The following APBB2 variants were observed in gnomAD, a reference collection of about 807,000 sequenced individuals.
APBB2 encodes amyloid beta precursor protein binding family B member 2.
Under a neutral mutation model 82.5 loss-of-function variants are expected in APBB2, and 38 were observed. The ratio of observed to expected loss-of-function variants is 0.46; its 90% CI spans 0.36 to 0.60. The LOEUF (loss-of-function observed/expected upper bound fraction) is 0.60, where lower values mean the gene tolerates loss of function less well. APBB2 is among the 20% of genes least tolerant of loss of function. The probability of loss-of-function intolerance (pLI) is 0.00; values close to 1 mark genes in which losing one functional copy is unlikely to be tolerated. For missense variants in APBB2, 772 were observed against 972.3 expected, an observed-to-expected ratio of 0.79 and a Z score of 2.74; for synonymous variants, 341 against 368.2, an observed-to-expected ratio of 0.93 and a Z score of 0.85.
chr4:40,965,275 T>C (rs1794407987), intron 6 of APBB2, among the ~76,000 whole-genome samples: 1 of 152,238 alleles, frequency 6.6e-6, no homozygotes, highest in Admixed American at 6.5e-5. Flanking sequence ...AATTATGACA[T>C]ATAATTAACT....
intron 2 of APBB2, among the ~76,000 whole-genome samples, chr4:41,121,260 G>T (rs1057100690): frequency 9.2e-5 from 14 of 152,210 alleles, no homozygotes; most frequent in Non-Finnish European, 2.1e-4. Flanking sequence ...TCTAGCATCA[G>T]TAACATACGT....
chr4:40,901,753 G>A (rs1190942456), intron 10 of APBB2, among the ~76,000 whole-genome samples: 5 of 152,020 alleles, frequency 3.3e-5, no homozygotes, highest in Non-Finnish European at 2.9e-5. Flanking sequence ...CAAGTGATCC[G>A]CTTACCCCAG....
chr4:41,124,450 C>T (rs1339880074), intron 2 of APBB2, among the ~76,000 whole-genome samples: 1 of 152,070 alleles, frequency 6.6e-6, no homozygotes, highest in South Asian at 2.1e-4. Context: ...CGTCGTGATC[C>T]GCCCGCCTCC....
At chr4:41,118,418 C>T (rs1391168046) in intron 2 of APBB2, among the ~76,000 whole-genome samples, 1 of 152,122 alleles carries the variant, frequency 6.6e-6, no homozygotes, top group African/African-American at 2.4e-5. Context: ...GATGATGATA[C>T]CTTTACCACC....
At chr4:41,017,463 T>TG in intron 5 of APBB2, among the ~76,000 whole-genome samples, 1 of 152,158 alleles carries the variant, frequency 6.6e-6, no homozygotes, top group South Asian at 2.1e-4. Context: ...GGAGAGGAAA[T>TG]GCTGTAAGGG....
chr4:40,867,431 CA>C (rs1215402597), intron 12 of APBB2, among the ~76,000 whole-genome samples: 2 of 152,172 alleles, frequency 1.3e-5, no homozygotes, highest in Non-Finnish European at 2.9e-5. Context: ...TTATTATTAT[CA>C]ACCCCCTTTT....
At chr4:41,054,969 C>T (rs570997651) in intron 4 of APBB2, among the ~76,000 whole-genome samples, 2 of 152,240 alleles carry the variant, frequency 1.3e-5, no homozygotes, top group African/African-American at 4.8e-5. Context: ...TCAGTGGCTC[C>T]CCACTACTCT....
intron 4 of APBB2, among the ~76,000 whole-genome samples, chr4:41,040,944 A>G (rs1023688259): frequency 9.2e-5 from 14 of 152,136 alleles, no homozygotes; most frequent in Non-Finnish European, 1.9e-4. Flanking sequence ...GCAGTGTCGC[A>G]ATCTCGGCTC....
At chr4:40,959,899 T>C (rs1235512516) in intron 6 of APBB2, among the ~76,000 whole-genome samples, 1 of 152,234 alleles carries the variant, frequency 6.6e-6, no homozygotes, top group African/African-American at 2.4e-5. Flanking sequence ...GCAGATATTA[T>C]TCCCATTTTA....
chr4:40,951,626 G>A (rs1375376255), intron 6 of APBB2, among the ~76,000 whole-genome samples: 1 of 152,124 alleles, frequency 6.6e-6, no homozygotes, highest in Non-Finnish European at 1.5e-5. Flanking sequence ...AACCTCTTTG[G>A]GCTTCAGATG....
At chr4:40,881,481 G>C in intron 12 of APBB2, 20 of 467,150 alleles carry the variant, frequency 4.3e-5, no homozygotes, top group Non-Finnish European at 5.3e-5. Flanking sequence ...AAAAACAAAA[G>C]AGACCCATTA....
chr4:40,818,921 C>T (rs1280723606), intron 17 of APBB2, among the ~76,000 whole-genome samples: 1 of 152,148 alleles, frequency 6.6e-6, no homozygotes, highest in Non-Finnish European at 1.5e-5. Flanking sequence ...TTCTATGTTG[C>T]CCAGGCTGGA....
intron 2 of APBB2, among the ~76,000 whole-genome samples, chr4:41,120,582 T>C (rs1374110223): frequency 6.6e-6 from 1 of 152,194 alleles, no homozygotes; most frequent in African/African-American, 2.4e-5. Flanking sequence ...AAAAGGGAGT[T>C]TTCTTTTCCC....
intron 1 of APBB2, among the ~76,000 whole-genome samples, chr4:41,175,556 G>A (rs1769528147): frequency 6.6e-6 from 1 of 152,038 alleles, no homozygotes; most frequent in Admixed American, 6.6e-5. Context: ...CACCAATCAA[G>A]CTGTATCATT....
chr4:41,000,182 G>A (rs917073019), intron 6 of APBB2, among the ~76,000 whole-genome samples: 3 of 151,528 alleles, frequency 2.0e-5, no homozygotes, highest in African/African-American at 7.3e-5. Flanking sequence ...GATCACCTGA[G>A]TCCAGGGAGG....
At chr4:40,830,616 G>A (rs759688840) in intron 12 of APBB2, 39 bp from the exon 13 acceptor site, 2 of 1,237,958 alleles carry the variant, frequency 1.6e-6, no homozygotes, top group Non-Finnish European at 2.4e-6. Flanking sequence ...AGTAAGAGAA[G>A]CTGATTACCA....
At chr4:41,117,044 T>C (rs1580174149) in intron 2 of APBB2, among the ~76,000 whole-genome samples, 1 of 152,026 alleles carries the variant, frequency 6.6e-6, no homozygotes, top group Non-Finnish European at 1.5e-5. Context: ...CCATCACAAA[T>C]GTTGCCCTCT....
chr4:41,138,990 AAG>A (rs1379548493), intron 2 of APBB2, among the ~76,000 whole-genome samples: 4 of 152,164 alleles, frequency 2.6e-5, no homozygotes, highest in Admixed American at 2.6e-4. Flanking sequence ...AGGCATCAAA[AAG>A]AGAAAAATAC....
intron 10 of APBB2, among the ~76,000 whole-genome samples, chr4:40,895,877 A>G (rs928174273): frequency 2.6e-5 from 4 of 152,208 alleles, no homozygotes; most frequent in Non-Finnish European, 4.4e-5. Context: ...CATGTTATAC[A>G]TGAGGAAACT....
Sources: allele counts gnomAD v4.1 joint callset (sites outside exome capture counted in the v4.1 genomes callset), GRCh38; gene constraint gnomAD v4.1.1; transcripts MANE v1.5; gene names NCBI Gene and HGNC (gene_info 2026-07-23, HGNC 2026-07-21).